Variants in NSMCE2 observed in about 807,000 individuals in gnomAD.
NSMCE2 encodes NSE2 SUMO ligase component of SMC5/6 complex.
In NSMCE2, 24 loss-of-function variants were observed where a neutral mutation model predicts 23.8. That is an observed-to-expected ratio of 1.01 (90% CI 0.73 to 1.42). The LOEUF is 1.42. Among genes scored for constraint, NSMCE2 ranks in the 40% most tolerant of loss-of-function variants. The pLI is 0.00. For missense variants in NSMCE2, 284 were observed against 296.5 expected (o/e 0.96, Z 0.31); for synonymous variants, 92 against 94.1 (o/e 0.98, Z 0.13).
chr8:125,212,457 A>G (rs1824389354), intron 5 of NSMCE2, among the ~76,000 whole-genome samples: 1 of 152,134 alleles, frequency 6.6e-6, no homozygotes, highest in African/African-American at 2.4e-5. Flanking sequence ...GGCTTTGTTC[A>G]TGGCCAGACT....
At chr8:125,203,994 A>G in intron 5 of NSMCE2, among the ~76,000 whole-genome samples, 1 of 152,166 alleles carries the variant, frequency 6.6e-6, no homozygotes, top group African/African-American at 2.4e-5. Flanking sequence ...ATTTGGCTAG[A>G]ATGTCATTGC....
At chr8:125,280,224 T>C (rs1331271554) in intron 5 of NSMCE2, among the ~76,000 whole-genome samples, 1 of 152,228 alleles carries the variant, frequency 6.6e-6, no homozygotes, top group African/African-American at 2.4e-5. Flanking sequence ...CAACTCCCTC[T>C]TCCCTGCCTT....
intron 5 of NSMCE2, among the ~76,000 whole-genome samples, chr8:125,320,959 A>T (rs1026301069): frequency 6.6e-6 from 1 of 152,172 alleles, no homozygotes; most frequent in Non-Finnish European, 1.5e-5. Context: ...GTGGGAGCAG[A>T]CATATGGCCA....
intron 5 of NSMCE2, among the ~76,000 whole-genome samples, chr8:125,245,456 T>C (rs908696781): frequency 1.3e-5 from 2 of 152,138 alleles, no homozygotes; most frequent in African/African-American, 4.8e-5. Flanking sequence ...TAGTTAAAAA[T>C]GATTCACAAG....
intron 3 of NSMCE2, among the ~76,000 whole-genome samples, chr8:125,145,357 G>A (rs578089681): frequency 5.1e-4 from 78 of 152,220 alleles, no homozygotes; most frequent in African/African-American, 1.7e-3. Context: ...GGGATTATCT[G>A]TGCCCTTTGG....
intron 5 of NSMCE2, among the ~76,000 whole-genome samples, chr8:125,278,964 T>A (rs1827584033): frequency 6.6e-6 from 1 of 151,954 alleles, no homozygotes; most frequent in Non-Finnish European, 1.5e-5. Flanking sequence ...CATAGTCAAA[T>A]GTGAAAATAT....
chr8:125,294,464 G>A (rs1165851483), intron 5 of NSMCE2, among the ~76,000 whole-genome samples: 1 of 152,128 alleles, frequency 6.6e-6, no homozygotes, highest in Non-Finnish European at 1.5e-5. Flanking sequence ...ACCAGCACAT[G>A]TTATTGTCTC....
chr8:125,129,959 T>C (rs530905002), intron 3 of NSMCE2, among the ~76,000 whole-genome samples: 1 of 152,290 alleles, frequency 6.6e-6, no homozygotes, highest in South Asian at 2.1e-4. Context: ...TACATTCCTG[T>C]TGACTAAACT....
intron 5 of NSMCE2, among the ~76,000 whole-genome samples, chr8:125,251,791 A>G (rs573505384): frequency 5.1e-4 from 78 of 152,356 alleles, no homozygotes; most frequent in Admixed American, 2.4e-3. Flanking sequence ...GCAAAGTTAA[A>G]TCATTTGCTC....
intron 5 of NSMCE2, among the ~76,000 whole-genome samples, chr8:125,325,762 G>GCCAA (rs1829640437): frequency 6.6e-6 from 1 of 152,158 alleles, no homozygotes; most frequent in Non-Finnish European, 1.5e-5. Context: ...GACCAGCCTG[G>GCCAA]CCAACATGGT....
chr8:125,211,667 C>T (rs1047331835), intron 5 of NSMCE2, among the ~76,000 whole-genome samples: 10 of 152,146 alleles, frequency 6.6e-5, no homozygotes, highest in African/African-American at 2.2e-4. Flanking sequence ...ACAAACTGCT[C>T]TTTATGGGGA....
intron 5 of NSMCE2, among the ~76,000 whole-genome samples, chr8:125,318,934 A>G (rs551430918): frequency 5.9e-5 from 9 of 152,310 alleles, no homozygotes; most frequent in African/African-American, 2.2e-4. Context: ...AGATGCACAA[A>G]GAGAGAAATC....
At chr8:125,297,668 A>G (rs770032409) in intron 5 of NSMCE2, among the ~76,000 whole-genome samples, 12 of 143,108 alleles carry the variant, frequency 8.4e-5, no homozygotes, top group Non-Finnish European at 1.1e-4. Context: ...TTGTCTCTAG[A>G]AAAAAAAAAA....
At chr8:125,197,840 AT>A (rs1297371058) in intron 5 of NSMCE2, among the ~76,000 whole-genome samples, 1 of 152,164 alleles carries the variant, frequency 6.6e-6, no homozygotes, top group African/African-American at 2.4e-5. Flanking sequence ...ATGTTCTTCC[AT>A]TTGTTTTTGT....
intron 1 of NSMCE2, among the ~76,000 whole-genome samples, chr8:125,096,666 CTT>C (rs1817952177): frequency 1.7e-5 from 1 of 58,300 alleles, no homozygotes; most frequent in Non-Finnish European, 3.3e-5. Context: ...CATACGGAGT[CTT>C]TTTGTGATCT....
rs1440497989 is a variant in NSMCE2, at chr8:125,182,121, G to GA, written c.289dup (p.Ile97AsnfsTer21). On this transcript the variant is annotated frameshift_variant, in exon 5 of 8. Transcript: ENST00000287437. LOFTEE classifies it high-confidence loss of function. ...CCCTTAGGTGAAAGAAGAACGTCCA[G>GA]AAAAAATACCAGATTTAAAATTATT... 3.1e-6 allele frequency: 5 copies of GA among 1,597,560 alleles called. No homozygotes were observed. Among genetic ancestry groups the GA allele is most frequent in the African/African-American group, 2.7e-5 (2 of 73,530 alleles).
intron 5 of NSMCE2, among the ~76,000 whole-genome samples, chr8:125,313,878 C>T (rs1398086700): frequency 6.6e-6 from 1 of 152,224 alleles, no homozygotes; most frequent in Non-Finnish European, 1.5e-5. Context: ...AGTCCACCAG[C>T]TATTACAACT....
intron 3 of NSMCE2, among the ~76,000 whole-genome samples, chr8:125,134,806 C>T (rs957655462): frequency 1.3e-5 from 2 of 150,312 alleles, no homozygotes; most frequent in Admixed American, 1.3e-4. Flanking sequence ...TAGCTCACTG[C>T]AGCCTCTACC....
At chr8:125,132,145 T>A (rs1819804728) in intron 3 of NSMCE2, among the ~76,000 whole-genome samples, 1 of 152,230 alleles carries the variant, frequency 6.6e-6, no homozygotes, top group African/African-American at 2.4e-5. Flanking sequence ...TTGCCCAGGC[T>A]GGAGTACAGT....
Sources: allele counts gnomAD v4.1 joint callset (sites outside exome capture counted in the v4.1 genomes callset), GRCh38; gene constraint gnomAD v4.1.1; transcripts MANE v1.5; gene names NCBI Gene and HGNC (gene_info 2026-07-23, HGNC 2026-07-21).